The following MACROD2 variants were observed in gnomAD, a reference collection of about 807,000 sequenced individuals.
The protein encoded by MACROD2 is mono-ADP ribosylhydrolase 2, also known as ADP-ribose glycohydrolase MACROD2.
In MACROD2, 36 loss-of-function variants were observed where a neutral mutation model predicts 70.4. The observed-to-expected ratio is 0.51, with a 90% CI of 0.39 to 0.68. The LOEUF is 0.68. Ranked by LOEUF, MACROD2 falls within the 30% of genes least tolerant of loss-of-function variation. The pLI, the probability that MACROD2 is intolerant of heterozygous loss-of-function variation, is 0.00. For missense variants in MACROD2, 496 were observed against 538.4 expected, an observed-to-expected ratio of 0.92 and a Z score of 0.78; for synonymous variants, 172 against 178.8, an observed-to-expected ratio of 0.96 and a Z score of 0.30.
At chr20:15,506,639 G>A (rs903092098) in intron 8 of MACROD2, among the ~76,000 whole-genome samples, 2 of 152,196 alleles carry the variant, frequency 1.3e-5, no homozygotes, top group African/African-American at 2.4e-5. Flanking sequence ...AACGCCTTAG[G>A]ATCTTTGTGA....
intron 7 of MACROD2, among the ~76,000 whole-genome samples, chr20:15,475,626 T>G (rs780641572): frequency 6.6e-5 from 10 of 152,236 alleles, no homozygotes; most frequent in Non-Finnish European, 1.3e-4. Context: ...TCATCCATCA[T>G]GCTGGCTGAA....
At chr20:15,826,679 T>C (rs1022089910) in intron 8 of MACROD2, among the ~76,000 whole-genome samples, 7 of 152,224 alleles carry the variant, frequency 4.6e-5, no homozygotes, top group African/African-American at 1.4e-4. Flanking sequence ...AGGTGTTTAG[T>C]ATAATGCGTT....
intron 5 of MACROD2, among the ~76,000 whole-genome samples, chr20:14,692,664 T>C (rs2071077731): frequency 6.6e-6 from 1 of 152,176 alleles, no homozygotes; most frequent in Non-Finnish European, 1.5e-5. Context: ...ACAACATGAT[T>C]CCAGGAATCT....
At position 14,352,317 on chromosome 20, in the gene MACROD2, C is replaced by A. The variant is rs564490511; in HGVS notation, c.272-141162C>A. ...TTGTGAGCAAGTTTTGATAAAAATA[C>A]TCGTCTCGCTTCGGCAGCACATAGA... On this transcript the variant is annotated intron_variant, in intron 3 of 17. Transcript: ENST00000684519. The A allele has an allele frequency of 2.0e-5, 3 of 152,204 alleles. No homozygotes were observed. The East Asian group carries it at 5.8e-4, about 29-fold the overall frequency. The allele number at this position is 152,204 out of a possible 1,614,324, so 9.4% of individuals were successfully genotyped here.
At chr20:15,102,089 A>C (rs1218393039) in intron 5 of MACROD2, among the ~76,000 whole-genome samples, 1 of 152,066 alleles carries the variant, frequency 6.6e-6, no homozygotes, top group Non-Finnish European at 1.5e-5. Context: ...ATGCATGGAC[A>C]GGTGTTAATA....
chr20:14,037,113 A>G (rs891008579), intron 2 of MACROD2, among the ~76,000 whole-genome samples: 17 of 152,196 alleles, frequency 1.1e-4, no homozygotes, highest in African/African-American at 4.1e-4. Flanking sequence ...TGTAACTTTT[A>G]TTTTAAAGGG....
At chr20:14,503,378 T>A (rs34632880) in intron 4 of MACROD2, among the ~76,000 whole-genome samples, 2 of 152,110 alleles carry the variant, frequency 1.3e-5, no homozygotes, top group South Asian at 2.1e-4. Context: ...GAGGTCAGTA[T>A]ATAGACCCCA....
At position 15,322,070 on chromosome 20, in the gene MACROD2, C is replaced by T. The variant is rs1411059614; in HGVS notation, c.540+92009C>T. 2.8e-5 allele frequency among the ~76,000 whole-genome samples: 4 copies of T among 144,128 alleles called. 1 individual carries two copies. Among genetic ancestry groups the T allele is most frequent in the African/African-American group, 9.9e-5 (4 of 40,290 alleles). 94.6% of individuals were successfully genotyped at this position (144,128 alleles called of 152,430 possible). ...CCTCCCAAAGTGCTGGGATTACAGG[C>T]ATGAGCCACTGCACCCGGCCACTAC... On this transcript the variant is annotated intron_variant, in intron 6 of 17. Coordinates refer to ENST00000684519, the MANE Select transcript of MACROD2 (RefSeq NM_001351661.2).
At chr20:14,494,925 T>G (rs894239829) in intron 4 of MACROD2, among the ~76,000 whole-genome samples, 1 of 152,140 alleles carries the variant, frequency 6.6e-6, no homozygotes, top group Non-Finnish European at 1.5e-5. Flanking sequence ...GCTGATTTTC[T>G]TACAAGATAT....
intron 2 of MACROD2, among the ~76,000 whole-genome samples, chr20:14,004,643 G>A (rs2052786381): frequency 6.6e-6 from 1 of 151,940 alleles, no homozygotes; most frequent in Admixed American, 6.6e-5. Context: ...GAGAGTTTTA[G>A]TGTTTTAACA....
At chr20:15,890,464 A>T (rs1355884605) in intron 10 of MACROD2, among the ~76,000 whole-genome samples, 1 of 152,176 alleles carries the variant, frequency 6.6e-6, no homozygotes, top group African/African-American at 2.4e-5. Context: ...CCATTGTATG[A>T]ATCCCTTTGA....
chr20:15,810,798 C>T (rs2063812685), intron 8 of MACROD2, among the ~76,000 whole-genome samples: 2 of 152,136 alleles, frequency 1.3e-5, no homozygotes, highest in South Asian at 4.2e-4. Flanking sequence ...CTACAACTAT[C>T]TGATCTTTGA....
At chr20:14,856,554 A>C (rs2073257649) in intron 5 of MACROD2, among the ~76,000 whole-genome samples, 1 of 152,154 alleles carries the variant, frequency 6.6e-6, no homozygotes, top group East Asian at 1.9e-4. Flanking sequence ...AAGGCAATCC[A>C]CTTGTTAAGT....
chr20:14,818,825 GTTTTTTTTTTT>G (rs754477468), intron 5 of MACROD2, among the ~76,000 whole-genome samples: 2 of 78,376 alleles, frequency 2.6e-5, no homozygotes, highest in African/African-American at 1.1e-4. Flanking sequence ...TCTTCCTTAG[GTTTTTTTTTTT>G]TTTTTTTTTT....
chr20:14,390,110 A>G (rs1285969497), intron 3 of MACROD2, among the ~76,000 whole-genome samples: 1 of 152,242 alleles, frequency 6.6e-6, no homozygotes, highest in African/African-American at 2.4e-5. Context: ...ACAGCAGTCA[A>G]GCTGAGATCC....
At chr20:15,096,309 G>A (rs191527578) in intron 5 of MACROD2, among the ~76,000 whole-genome samples, 93 of 152,094 alleles carry the variant, frequency 6.1e-4, no homozygotes, top group African/African-American at 2.1e-3. Context: ...AGCACAGAAC[G>A]TGGCTGCATC....
chr20:14,974,099 A>G (rs932847872), intron 5 of MACROD2, among the ~76,000 whole-genome samples: 1 of 152,234 alleles, frequency 6.6e-6, no homozygotes, highest in Non-Finnish European at 1.5e-5. Flanking sequence ...GAACTAATGC[A>G]ATAGCCAGTT....
At chr20:14,889,752 G>T (rs6042967) in intron 5 of MACROD2, among the ~76,000 whole-genome samples, 29,888 of 152,100 alleles carry the variant, frequency 0.2, 3,073 homozygotes, top group African/African-American at 0.21. Context: ...GGCCTTGGAG[G>T]CAGCTGTAAG....
At chr20:15,900,869 A>G (rs1363888249) in intron 10 of MACROD2, among the ~76,000 whole-genome samples, 1 of 152,142 alleles carries the variant, frequency 6.6e-6, no homozygotes, top group Admixed American at 6.6e-5. Context: ...TTCATACATT[A>G]AATGGACAGA....
Sources: allele counts gnomAD v4.1 joint callset (sites outside exome capture counted in the v4.1 genomes callset), GRCh38; gene constraint gnomAD v4.1.1; transcripts MANE v1.5; gene names NCBI Gene and HGNC (gene_info 2026-07-23, HGNC 2026-07-21).